The following CNOT6L variants were observed in gnomAD, a reference collection of about 807,000 sequenced individuals.
CNOT6L encodes CCR4-NOT transcription complex subunit 6 like, also known as CCR4-NOT transcription complex subunit 6-like.
CNOT6L carries 7 observed loss-of-function variants against 64.0 expected under a neutral mutation model. The observed-to-expected ratio is 0.11, with a 90% CI of 0.06 to 0.21. The LOEUF (loss-of-function observed/expected upper bound fraction) is 0.21. Ranked by LOEUF, CNOT6L falls within the 10% of genes least tolerant of loss-of-function variation. CNOT6L has a pLI of 1.00. For synonymous variants in CNOT6L, 193 were observed against 243.4 expected (o/e 0.79, Z 1.93); for missense variants, 245 against 669.0 (o/e 0.37, Z 6.99).
rs1211900172 is a variant in CNOT6L, at chr4:77,720,335, A to T, written c.*96T>A. 7.9e-7 allele frequency: 1 copy of T among 1,270,802 alleles called. No individual in the cohort carries two copies. The highest frequency in any genetic ancestry group is 1.1e-6 in the Non-Finnish European group (1 of 901,456). 78.7% of individuals were successfully genotyped at this position (1,270,802 alleles called of 1,614,324 possible). A position where few individuals can be genotyped will look rare whatever the true frequency, so the allele number is the denominator to read the frequency against. On this transcript the variant is annotated 3_prime_UTR_variant, in exon 12 of 12. Coordinates refer to ENST00000504123, the MANE Select transcript of CNOT6L (RefSeq NM_144571.3). ...CATAATGAAAGAAACCTGAAGAAGC[A>T]GCTTAAGGATGGCCATACTTCACTC...
intron 3 of CNOT6L, 108 bp from the exon 4 acceptor site, chr4:77,773,274 T>C (rs1369333812): frequency 1.5e-6 from 1 of 645,184 alleles, no homozygotes; most frequent in South Asian, 2.3e-5. Flanking sequence ...ATTGTTTATA[T>C]TCAAGGCACA....
At chr4:77,759,727 A>G (rs567411247) in intron 4 of CNOT6L, among the ~76,000 whole-genome samples, 8 of 152,230 alleles carry the variant, frequency 5.3e-5, no homozygotes, top group Admixed American at 1.3e-4. Context: ...GACTTCAAAC[A>G]CTCCTATGGT....
chr4:77,819,357 G>A lies in CNOT6L; in HGVS notation c.-49C>T, dbSNP rs1734032627. ...ACAGCAGCCATTTCCCCGCGGCAGGGGAAACACACACACAAACACGCGCGC... is the reference window on the plus strand; with the variant it reads ...ACAGCAGCCATTTCCCCGCGGCAGGAGAAACACACACACAAACACGCGCGC... On this transcript the variant is annotated 5_prime_UTR_variant, in exon 1 of 12. Transcript: ENST00000504123. The A allele has an allele frequency of 6.2e-7, 1 of 1,612,500 alleles. No homozygotes were observed. Among genetic ancestry groups the A allele is most frequent in the South Asian group, 1.1e-5 (1 of 91,008 alleles).
At position 77,742,254 on chromosome 4, in the gene CNOT6L, T is replaced by G; in HGVS notation, c.759A>C (p.Ala253=). 1 of 1,612,764 alleles carries G rather than the reference T, an allele frequency of 6.2e-7. No homozygotes were observed. The change falls in exon 8 of 12, where the codon GCA becomes GCC. Residue 253 remains alanine (A), a synonymous_variant. Transcript: ENST00000504123. ...TEQYFTLFLP[A]LKERGYDGFF... is the part of the protein sequence containing the mutation. ...ATCCATCATATCCACGCTCCTTCAA[T>G]GCTGGCAGAAAGAGAGTGAAGTATT...
intron 1 of CNOT6L, among the ~76,000 whole-genome samples, chr4:77,818,176 C>A (rs1733782917): frequency 6.6e-6 from 1 of 152,168 alleles, no homozygotes; most frequent in African/African-American, 2.4e-5. Context: ...TAACACTGTG[C>A]TTCCAATGTG....
At chr4:77,738,787 G>GT (rs1419902777) in intron 8 of CNOT6L, among the ~76,000 whole-genome samples, 1 of 149,520 alleles carries the variant, frequency 6.7e-6, no homozygotes, top group Non-Finnish European at 1.5e-5. Context: ...TTACAACTCA[G>GT]TTTCTACATA....
intron 2 of CNOT6L, among the ~76,000 whole-genome samples, 189 bp from the exon 3 acceptor site, chr4:77,774,905 AC>A (rs1354890009): frequency 6.6e-6 from 1 of 152,172 alleles, no homozygotes; most frequent in Non-Finnish European, 1.5e-5. Flanking sequence ...CGTTCATGCC[AC>A]TTTCACCTGA....
At chr4:77,754,907 A>AAAAAAAC (rs1725331166) in intron 5 of CNOT6L, among the ~76,000 whole-genome samples, 1 of 144,234 alleles carries the variant, frequency 6.9e-6, no homozygotes, top group Non-Finnish European at 1.5e-5. Flanking sequence ...AAAAAAAAAA[A>AAAAAAAC]AAAAAACCGG....
rs565357387 is a variant in CNOT6L, at chr4:77,714,311, A to G, written c.*6120T>C. On this transcript the variant is annotated 3_prime_UTR_variant, in exon 12 of 12. Coordinates refer to ENST00000504123, the MANE Select transcript of CNOT6L (RefSeq NM_144571.3). ...ATTGAGTGGAAAAGTAGATTGTCCCATGGACAATTAGTTGGCACTTGTTAT... is the reference window on the plus strand; with the variant it reads ...ATTGAGTGGAAAAGTAGATTGTCCCGTGGACAATTAGTTGGCACTTGTTAT... 5 of 152,556 alleles carry G rather than the reference A, an allele frequency of 3.3e-5. No homozygotes were observed. Among genetic ancestry groups the G allele is most frequent in the East Asian group, 3.9e-4 (2 of 5,174 alleles). 9.5% of individuals were successfully genotyped at this position (152,556 alleles called of 1,614,324 possible). A position where few individuals can be genotyped will look rare whatever the true frequency, so the allele number is the denominator to read the frequency against.
intron 1 of CNOT6L, among the ~76,000 whole-genome samples, chr4:77,777,596 C>A (rs995900165): frequency 6.6e-6 from 1 of 152,136 alleles, no homozygotes; most frequent in African/African-American, 2.4e-5. Flanking sequence ...GACACAATGT[C>A]CTGAGCCTAA....
intron 1 of CNOT6L, among the ~76,000 whole-genome samples, chr4:77,796,407 T>A (rs1730856066): frequency 6.6e-6 from 1 of 152,002 alleles, no homozygotes; most frequent in Non-Finnish European, 1.5e-5. Context: ...TGCTTTTTCT[T>A]GTGATAGTGA....
intron 1 of CNOT6L, among the ~76,000 whole-genome samples, chr4:77,818,599 C>T (rs1219837213): frequency 6.6e-6 from 1 of 152,252 alleles, no homozygotes; most frequent in African/African-American, 2.4e-5. Context: ...TCACTTTCCT[C>T]CCTCGGGTCC....
In CNOT6L at chr4:77,805,470, T is replaced by C. The variant is rs1732110124; in HGVS notation, c.5+13834A>G. 2.0e-5 allele frequency among the ~76,000 whole-genome samples: 3 copies of C among 152,312 alleles called. 1 individual carries two copies. The South Asian group carries it at 6.2e-4, about 32-fold the overall frequency. On this transcript the variant is annotated intron_variant, in intron 1 of 11. Transcript: ENST00000504123. ...CCATTTTCACTAATCTCTAAAATTTTCACACAAACCTAAACAATCAACCAT... is the reference window on the plus strand; with the variant it reads ...CCATTTTCACTAATCTCTAAAATTTCCACACAAACCTAAACAATCAACCAT...
At chr4:77,721,777 C>A (rs1464550763) in intron 11 of CNOT6L, among the ~76,000 whole-genome samples, 1 of 151,952 alleles carries the variant, frequency 6.6e-6, no homozygotes, top group Non-Finnish European at 1.5e-5. Flanking sequence ...TCAAGACCAG[C>A]CTGGTAAACA....
At chr4:77,790,429 A>G (rs1308344193) in intron 1 of CNOT6L, among the ~76,000 whole-genome samples, 2 of 152,204 alleles carry the variant, frequency 1.3e-5, no homozygotes, top group Non-Finnish European at 2.9e-5. Flanking sequence ...AAATACCAAA[A>G]AGCATGATGG....
intron 1 of CNOT6L, among the ~76,000 whole-genome samples, chr4:77,813,289 T>TTAGG (rs1553900099): frequency 6.6e-6 from 1 of 151,606 alleles, no homozygotes; most frequent in Non-Finnish European, 1.5e-5. Flanking sequence ...ATTAGATATA[T>TTAGG]TAGATAGATT....
chr4:77,811,657 C>T (rs898884615), intron 1 of CNOT6L, among the ~76,000 whole-genome samples: 1 of 152,174 alleles, frequency 6.6e-6, no homozygotes, highest in Non-Finnish European at 1.5e-5. Flanking sequence ...TATTACCTGA[C>T]ATAGCATCTT....
chr4:77,819,074 A>ACACACACACACACACACACACACACACC (rs368900394), intron 1 of CNOT6L: 9 of 720,488 alleles, frequency 1.2e-5, no homozygotes, highest in Admixed American at 4.2e-5. Flanking sequence ...ACACACACAC[A>ACACACACACACACACACACACACACACC]CCCCGGAACC....
chr4:77,746,232 T>C (rs937950370), intron 6 of CNOT6L, among the ~76,000 whole-genome samples: 1 of 152,176 alleles, frequency 6.6e-6, no homozygotes, highest in Non-Finnish European at 1.5e-5. Flanking sequence ...GCCAAAACTC[T>C]TTATATCCCT....
Sources: gnomAD v4.1 joint callset for allele counts (sites outside exome capture counted in the v4.1 genomes callset) on GRCh38, gnomAD v4.1.1 for gene constraint, MANE v1.5 for transcripts, NCBI Gene and HGNC (gene_info 2026-07-23, HGNC 2026-07-21) for gene names.